SH3RF3: variants seen among roughly 807,000 people sequenced by gnomAD.
The protein encoded by SH3RF3 is SH3 domain containing ring finger 3.
A neutral mutation model predicts 66.3 loss-of-function variants in SH3RF3; 29 were observed. The observed-to-expected ratio is 0.44, with a 90% confidence interval of 0.33 to 0.60. The LOEUF (loss-of-function observed/expected upper bound fraction) is 0.60, where lower values mean the gene tolerates loss of function less well. Ranked by LOEUF, SH3RF3 falls within the 20% of genes least tolerant of loss-of-function variation. The pLI is 0.04. For missense variants in SH3RF3, 1,194 were observed against 1,190.9 expected, an observed-to-expected ratio of 1.00 and a Z score of -0.04; for synonymous variants, 583 against 532.0, an observed-to-expected ratio of 1.10 and a Z score of -1.32.
At chr2:109,461,118 T>C (rs1309113285) in intron 8 of SH3RF3, among the ~76,000 whole-genome samples, 3 of 152,266 alleles carry the variant, frequency 2.0e-5, no homozygotes, top group Non-Finnish European at 4.4e-5. Flanking sequence ...TGTAACTTAC[T>C]GGTGCCTTCG....
chr2:109,359,663 A>G (rs1300739856), intron 2 of SH3RF3, among the ~76,000 whole-genome samples: 1 of 152,180 alleles, frequency 6.6e-6, no homozygotes, highest in African/African-American at 2.4e-5. Flanking sequence ...CCAAAATCCA[A>G]AATTTTTTGA....
rs560689633 is a variant in SH3RF3 at position 109,388,570 on chromosome 2, T to G, written c.946-10020T>G. ...GGGGTGAGAAGTGCTGAGCAGTGTT[T>G]AGAATATACTCAACAAACAGCCACT... On this transcript the variant is annotated intron_variant, in intron 3 of 9. Coordinates refer to ENST00000309415, the MANE Select transcript of SH3RF3 (RefSeq NM_001099289.3). Among the ~76,000 whole-genome samples the G allele has an allele frequency of 1.4e-3, 211 of 152,366 alleles. 6 individuals carry two copies. The South Asian group carries it at 0.042, about 31-fold the overall frequency.
At chr2:109,460,551 G>C (rs1039444002) in intron 8 of SH3RF3, among the ~76,000 whole-genome samples, 1 of 152,228 alleles carries the variant, frequency 6.6e-6, no homozygotes, top group African/African-American at 2.4e-5. Context: ...GCTGAGGAAA[G>C]AGGCTCAGTC....
intron 1 of SH3RF3, among the ~76,000 whole-genome samples, chr2:109,147,335 G>A (rs1038762249): frequency 6.6e-6 from 1 of 152,206 alleles, no homozygotes; most frequent in Non-Finnish European, 1.5e-5. Flanking sequence ...AAATGCTTTT[G>A]TGGACGAGAC....
chr2:109,325,331 C>CTTTTTTTTTTTTTTTT (rs11298946), intron 1 of SH3RF3, among the ~76,000 whole-genome samples: 5 of 66,256 alleles, frequency 7.5e-5, no homozygotes, highest in Non-Finnish European at 1.1e-4. Flanking sequence ...TTCTTTCTTT[C>CTTTTTTTTTTTTTTTT]TTTTTTTTTT....
chr2:109,390,642 G>T (rs1398033538), intron 3 of SH3RF3, among the ~76,000 whole-genome samples: 1 of 152,212 alleles, frequency 6.6e-6, no homozygotes, highest in East Asian at 1.9e-4. Context: ...GCAAGTGGGG[G>T]TGCGGTCGGC....
At chr2:109,236,998 A>C (rs933381550) in intron 1 of SH3RF3, among the ~76,000 whole-genome samples, 5 of 152,250 alleles carry the variant, frequency 3.3e-5, no homozygotes. Context: ...CAGAAAGATC[A>C]GGGGAAGCTA....
chr2:109,391,466 G>A (rs13429221), intron 3 of SH3RF3, among the ~76,000 whole-genome samples: 5,284 of 152,298 alleles, frequency 0.035, 309 homozygotes, highest in African/African-American at 0.12. Flanking sequence ...AGGGCCGGCG[G>A]CCTCACACAG....
chr2:109,317,657 T>C (rs1384833304), intron 1 of SH3RF3, among the ~76,000 whole-genome samples: 1 of 152,200 alleles, frequency 6.6e-6, no homozygotes, highest in African/African-American at 2.4e-5. Flanking sequence ...TGAGTTTAAA[T>C]GACTTCAGGT....
At chr2:109,218,066 G>C (rs1679141411) in intron 1 of SH3RF3, among the ~76,000 whole-genome samples, 1 of 152,162 alleles carries the variant, frequency 6.6e-6, no homozygotes, top group Admixed American at 6.5e-5. Flanking sequence ...GCGGGGAGGG[G>C]TGCTGTGTTG....
chr2:109,458,601 A>AGAGAGAGAGAGAGAGAG (rs1553524376), intron 8 of SH3RF3, among the ~76,000 whole-genome samples: 70 of 148,924 alleles, frequency 4.7e-4, no homozygotes, highest in Admixed American at 8.7e-4. Flanking sequence ...AGAGAGAGAG[A>AGAGAGAGAGAGAGAGAG]ATTTATTTAT....
At chr2:109,151,719 A>G (rs1025546004) in intron 1 of SH3RF3, among the ~76,000 whole-genome samples, 31 of 152,212 alleles carry the variant, frequency 2.0e-4, no homozygotes, top group African/African-American at 6.3e-4. Context: ...TGGCTGCTGT[A>G]TGGAAAGGCT....
intron 1 of SH3RF3, among the ~76,000 whole-genome samples, chr2:109,173,806 C>T (rs1253759920): frequency 6.6e-6 from 1 of 152,210 alleles, no homozygotes; most frequent in East Asian, 1.9e-4. Flanking sequence ...TGACCAAAGG[C>T]ATGCGATGGG....
At chr2:109,460,539 T>TGGCTGAGGAAAGA (rs1412539103) in intron 8 of SH3RF3, among the ~76,000 whole-genome samples, 2 of 152,196 alleles carry the variant, frequency 1.3e-5, no homozygotes, top group African/African-American at 4.8e-5. Context: ...ATGACAGGAA[T>TGGCTGAGGAAAGA]GGCTGAGGAA....
At chr2:109,322,729 T>TGATCAGC (rs1383129001) in intron 1 of SH3RF3, among the ~76,000 whole-genome samples, 1 of 152,220 alleles carries the variant, frequency 6.6e-6, no homozygotes, top group African/African-American at 2.4e-5. Flanking sequence ...AAGAGGTAGA[T>TGATCAGC]GATCAGCTCA....
At chr2:109,404,730 C>A (rs72945309) in intron 4 of SH3RF3, among the ~76,000 whole-genome samples, 7,290 of 152,192 alleles carry the variant, frequency 0.048, 541 homozygotes, top group African/African-American at 0.16. Context: ...TCTCATTGAC[C>A]TACTGCTTCC....
intron 7 of SH3RF3, among the ~76,000 whole-genome samples, chr2:109,437,682 A>C (rs1178273536): frequency 2.0e-5 from 3 of 151,434 alleles, no homozygotes; most frequent in Non-Finnish European, 4.4e-5. Context: ...AGGAGGAATG[A>C]CAGCTGTTGA....
intron 3 of SH3RF3, among the ~76,000 whole-genome samples, chr2:109,397,469 T>C (rs1676180507): frequency 6.6e-6 from 1 of 152,204 alleles, no homozygotes; most frequent in African/African-American, 2.4e-5. Context: ...CTCTGCTTTA[T>C]TCTTTCAAAT....
rs1679112272 is a variant in SH3RF3, at chr2:109,490,867, C to T, written c.2411C>T (p.Ser804Phe). 1.3e-6 allele frequency: 2 copies of T among 1,535,376 alleles called. No homozygotes were observed. ...KAGSLDLNFT[S>F]PSRQAPLSMA... ...GGCTCCTTGGATCTAAACTTCACAT[C>T]TCCTTCCCGGCAAGCTCCGCTGTCC... is the stretch of plus-strand genomic sequence containing the variant. The change falls in exon 9 of 10, where the codon TCT becomes TTT. Residue 804 changes from serine to phenylalanine, a missense_variant. Coordinates refer to ENST00000309415, the MANE Select transcript of SH3RF3 (RefSeq NM_001099289.3).
Sources: gnomAD v4.1 joint callset for allele counts (sites outside exome capture counted in the v4.1 genomes callset) on GRCh38, gnomAD v4.1.1 for gene constraint, MANE v1.5 for transcripts, NCBI Gene and HGNC (gene_info 2026-07-23, HGNC 2026-07-21) for gene names.